The following VAMP7 variants were observed in gnomAD, a reference collection of about 807,000 sequenced individuals.
VAMP7 encodes vesicle associated membrane protein 7.
VAMP7 carries 14 observed loss-of-function variants against 29.6 expected under a neutral mutation model. The ratio of observed to expected loss-of-function variants is 0.47; its 90% CI spans 0.31 to 0.74. The LOEUF (loss-of-function observed/expected upper bound fraction) is 0.74. VAMP7 is among the 30% of genes least tolerant of loss of function. The pLI is 0.05. For missense variants in VAMP7, 223 were observed against 262.4 expected, an observed-to-expected ratio of 0.85 and a Z score of 1.04; for synonymous variants, 95 against 88.1, an observed-to-expected ratio of 1.08 and a Z score of -0.44.
chrX:155,898,384 C>G, intron 4 of VAMP7, 135 bp downstream of exon 4: 1 of 1,201,012 alleles, frequency 8.3e-7, no homozygotes, highest in Middle Eastern at 2.7e-4. Context: ...ATAAAACTTC[C>G]CTGATTAAAA....
At chrX:155,888,121 G>A (rs2065887116) in intron 1 of VAMP7, among the ~76,000 whole-genome samples, 1 of 152,120 alleles carries the variant, frequency 6.6e-6, no homozygotes, top group Admixed American at 6.6e-5. Flanking sequence ...CAGTTAGAGA[G>A]TAGGAATGAA....
At chrX:155,896,062 G>A (rs1020101417) in intron 3 of VAMP7, among the ~76,000 whole-genome samples, 1 of 152,116 alleles carries the variant, frequency 6.6e-6, no homozygotes, top group African/African-American at 2.4e-5. Flanking sequence ...ACCGGTCCCT[G>A]GTGCCAAAAA....
chrX:155,892,699 A>G (rs1189233799), intron 2 of VAMP7, among the ~76,000 whole-genome samples: 1 of 152,010 alleles, frequency 6.6e-6, no homozygotes, highest in East Asian at 1.9e-4. Context: ...TTATGTGTCT[A>G]CATAGCATCT....
chrX:155,897,182 A>G (rs915829154), intron 3 of VAMP7, among the ~76,000 whole-genome samples: 1 of 152,188 alleles, frequency 6.6e-6, no homozygotes, highest in Non-Finnish European at 1.5e-5. Flanking sequence ...TTATGAATAT[A>G]CAACCTATAT....
chrX:155,936,925 C>T (rs2066668109), intron 6 of VAMP7, among the ~76,000 whole-genome samples: 1 of 152,088 alleles, frequency 6.6e-6, no homozygotes, highest in South Asian at 2.1e-4. Flanking sequence ...ATAATGTGCA[C>T]ACTGAAAATT....
intron 7 of VAMP7, among the ~76,000 whole-genome samples, chrX:155,940,903 G>A (rs1267346137): frequency 6.6e-6 from 1 of 152,070 alleles, no homozygotes; most frequent in Non-Finnish European, 1.5e-5. Context: ...TCCCTACAAG[G>A]CAAAATGCTT....
chrX:155,908,710 TATTA>T (rs1054221262), intron 5 of VAMP7, among the ~76,000 whole-genome samples: 18 of 152,306 alleles, frequency 1.2e-4, no homozygotes, highest in East Asian at 9.6e-4. Flanking sequence ...GAAAGTTTTG[TATTA>T]ATTCTTGAAA....
chrX:155,926,215 C>G (rs2066464653), intron 6 of VAMP7, among the ~76,000 whole-genome samples: 1 of 152,124 alleles, frequency 6.6e-6, no homozygotes, highest in African/African-American at 2.4e-5. Flanking sequence ...AGCTTTGAAG[C>G]CAGTCATTGG....
chrX:155,922,011 T>C (rs1806126981), intron 6 of VAMP7, among the ~76,000 whole-genome samples: 1 of 152,072 alleles, frequency 6.6e-6, no homozygotes, highest in South Asian at 2.1e-4. Flanking sequence ...GTTTTTGGTG[T>C]ACAGGTCTTG....
At chrX:155,908,219 G>GGAGGTTGCAGCGAGCC (rs1440298801) in intron 5 of VAMP7, among the ~76,000 whole-genome samples, 1 of 152,226 alleles carries the variant, frequency 6.6e-6, no homozygotes, top group African/African-American at 2.4e-5. Flanking sequence ...GCTGGGAGGT[G>GGAGGTTGCAGCGAGCC]GAGGTTGCAG....
chrX:155,911,339 T>G (rs2066234504), intron 5 of VAMP7, among the ~76,000 whole-genome samples: 1 of 152,200 alleles, frequency 6.6e-6, no homozygotes. Context: ...CATGCTGTTT[T>G]GGTTACTGTA....
At chrX:155,937,167 C>G (rs1442620213) in intron 6 of VAMP7, among the ~76,000 whole-genome samples, 1 of 151,774 alleles carries the variant, frequency 6.6e-6, no homozygotes, top group African/African-American at 2.4e-5. Context: ...ATACTAGACA[C>G]AGATAGATAA....
chrX:155,927,781 A>AAAG (rs2066492560), intron 6 of VAMP7, among the ~76,000 whole-genome samples: 1 of 83,622 alleles, frequency 1.2e-5, no homozygotes, highest in African/African-American at 5.0e-5. Context: ...TTTTTTTTTT[A>AAAG]AAGTGAGTGC....
At chrX:155,908,068 T>A (rs2066175637) in intron 5 of VAMP7, among the ~76,000 whole-genome samples, 1 of 151,118 alleles carries the variant, frequency 6.6e-6, no homozygotes, top group African/African-American at 2.4e-5. Context: ...GCTCCTCACT[T>A]TCCAGACTGG....
intron 5 of VAMP7, among the ~76,000 whole-genome samples, chrX:155,904,887 C>CAT (rs980522076): frequency 5.5e-5 from 7 of 128,034 alleles, no homozygotes; most frequent in East Asian, 2.2e-4. Flanking sequence ...TTTGTGTGAG[C>CAT]ATATATATAT....
chrX:155,905,952 G>T (rs1177413608), intron 5 of VAMP7, among the ~76,000 whole-genome samples: 8 of 139,742 alleles, frequency 5.7e-5, no homozygotes, highest in African/African-American at 2.2e-4. Context: ...TTTTGATAGG[G>T]ATTGTGTTGA....
At chrX:155,927,526 T>C (rs972901836) in intron 6 of VAMP7, among the ~76,000 whole-genome samples, 20 of 148,296 alleles carry the variant, frequency 1.3e-4, no homozygotes, top group Non-Finnish European at 2.7e-4. Flanking sequence ...AGTGCGATAA[T>C]GTGAAGTACA....
intron 5 of VAMP7, among the ~76,000 whole-genome samples, chrX:155,907,818 C>T (rs1387110493): frequency 4.6e-5 from 7 of 152,146 alleles, no homozygotes; most frequent in Admixed American, 3.3e-4. Context: ...GGCTGCTGGG[C>T]GGAGGGGCTC....
At chrX:155,906,841 T>C (rs755079749) in intron 5 of VAMP7, among the ~76,000 whole-genome samples, 1 of 152,278 alleles carries the variant, frequency 6.6e-6, no homozygotes, top group African/African-American at 2.4e-5. Context: ...GAACCTCCAG[T>C]ATAATGTTGA....
Sources: allele counts gnomAD v4.1 joint callset (sites outside exome capture counted in the v4.1 genomes callset), GRCh38; gene constraint gnomAD v4.1.1; transcripts MANE v1.5; gene names NCBI Gene and HGNC (gene_info 2026-07-23, HGNC 2026-07-21).